The following CCDC181 variants were observed in gnomAD, a reference collection of about 807,000 sequenced individuals.
CCDC181 encodes the protein coiled-coil domain-containing protein 181.
A neutral mutation model predicts 58.7 loss-of-function variants in CCDC181; 35 were observed. That is an observed-to-expected ratio of 0.60 (90% CI 0.46 to 0.79). The LOEUF (loss-of-function observed/expected upper bound fraction) is 0.79, where lower values mean the gene tolerates loss of function less well. Among genes scored for constraint, CCDC181 ranks in the 30% least tolerant of loss-of-function variants. CCDC181 has a pLI of 0.00. For missense variants in CCDC181, 517 were observed against 583.9 expected, an observed-to-expected ratio of 0.89 and a Z score of 1.18; for synonymous variants, 183 against 197.5, an observed-to-expected ratio of 0.93 and a Z score of 0.62.
chr1:169,396,137 T>TA (rs1489140625), intron 5 of CCDC181: 2 of 152,230 alleles, frequency 1.3e-5, no homozygotes, highest in East Asian at 1.9e-4. Flanking sequence ...GACAAATACT[T>TA]AGACAGTATG....
intron 2 of CCDC181, among the ~76,000 whole-genome samples, chr1:169,444,730 T>C (rs1252932253): frequency 6.6e-6 from 1 of 152,218 alleles, no homozygotes; most frequent in East Asian, 1.9e-4. Flanking sequence ...CATATTTTTC[T>C]TCTCTGGCCT....
In CCDC181 at chr1:169,397,424, A is replaced by C. The variant is rs758078709; in HGVS notation, c.1216-33T>G. ...GAAAAACAAGCTTTACTTAGTTTAGATAAACAAGAACTACATTTTGAAGCC... is the reference window on the plus strand; with the variant it reads ...GAAAAACAAGCTTTACTTAGTTTAGCTAAACAAGAACTACATTTTGAAGCC... On this transcript the variant is annotated intron_variant, in intron 4 of 5. Transcript: ENST00000367806. 3 of 1,559,350 alleles carry C rather than the reference A, an allele frequency of 1.9e-6. No individual in the cohort carries two copies. In the African/African-American group the frequency reaches 4.1e-5, roughly 21 times the overall value.
chr1:169,449,287 T>C (rs559537735), intron 2 of CCDC181, among the ~76,000 whole-genome samples: 1 of 152,316 alleles, frequency 6.6e-6, no homozygotes, highest in East Asian at 1.9e-4. Context: ...GGTTTTGTTT[T>C]AATATGGCTA....
intron 2 of CCDC181, among the ~76,000 whole-genome samples, chr1:169,448,856 T>G (rs1164359809): frequency 6.6e-6 from 1 of 152,194 alleles, no homozygotes; most frequent in African/African-American, 2.4e-5. Context: ...CTTTTTTAAA[T>G]TCACTTATCT....
chr1:169,459,039 G>A (rs2101765281), intron 2 of CCDC181, among the ~76,000 whole-genome samples: 1 of 151,444 alleles, frequency 6.6e-6, no homozygotes, highest in East Asian at 1.9e-4. Context: ...GTACAGCAGT[G>A]AGTAAAAAAT....
intron 2 of CCDC181, among the ~76,000 whole-genome samples, chr1:169,434,451 C>T (rs1483180331): frequency 6.6e-6 from 1 of 151,894 alleles, no homozygotes; most frequent in African/African-American, 2.4e-5. Flanking sequence ...AAAATAATCA[C>T]AAGCAGGATC....
At chr1:169,415,038 T>C (rs1478428789) in intron 4 of CCDC181, among the ~76,000 whole-genome samples, 1 of 152,220 alleles carries the variant, frequency 6.6e-6, no homozygotes, top group Non-Finnish European at 1.5e-5. Context: ...CTACATAAAA[T>C]TTTTTGAAAT....
intron 4 of CCDC181, among the ~76,000 whole-genome samples, chr1:169,406,106 C>T (rs546467310): frequency 1.3e-5 from 2 of 152,320 alleles, no homozygotes; most frequent in African/African-American, 2.4e-5. Context: ...GATACCATCT[C>T]ACACCAGTTA....
chr1:169,423,073 A>G (rs1342442816), intron 2 of CCDC181, among the ~76,000 whole-genome samples: 1 of 147,594 alleles, frequency 6.8e-6, no homozygotes, highest in South Asian at 2.1e-4. Context: ...TTATATATAT[A>G]TATATTTTTT....
chr1:169,457,851 CCTT>C (rs1313501146), intron 2 of CCDC181, among the ~76,000 whole-genome samples: 1 of 152,022 alleles, frequency 6.6e-6, no homozygotes, highest in Admixed American at 6.6e-5. Flanking sequence ...TCTGTGTGCC[CCTT>C]CTTAAGTATA....
chr1:169,413,925 G>A (rs939215233), intron 4 of CCDC181, among the ~76,000 whole-genome samples: 2 of 152,000 alleles, frequency 1.3e-5, no homozygotes, highest in African/African-American at 2.4e-5. Context: ...TGTAGATGAC[G>A]GGTTGATGGG....
intron 2 of CCDC181, among the ~76,000 whole-genome samples, chr1:169,438,645 C>G (rs899122112): frequency 6.6e-6 from 1 of 152,158 alleles, no homozygotes; most frequent in Non-Finnish European, 1.5e-5. Flanking sequence ...TCCTGTTGGT[C>G]CCTGTTGTCT....
chr1:169,421,339 T>C, intron 3 of CCDC181, 24 bp downstream of exon 3: 1 of 1,522,434 alleles, frequency 6.6e-7, no homozygotes, highest in Non-Finnish European at 8.9e-7. Flanking sequence ...CTACTTTTAA[T>C]ATAATGCCCA....
In CCDC181 at chr1:169,419,002, G is replaced by C. The variant is rs751170152; in HGVS notation, c.1215+11C>G. The C allele has an allele frequency of 1.3e-6, 2 of 1,599,092 alleles. No homozygotes were observed. The highest frequency in any genetic ancestry group is 2.2e-5 in the South Asian group (2 of 90,436). On this transcript the variant is annotated intron_variant, in intron 4 of 5. Transcript: ENST00000367806. ...CTGTATGAACTTATTTTTCAGAGAA[G>C]TTTTACTTACTCTACTGTTCATGTC...
At chr1:169,411,290 G>T (rs1655948737) in intron 4 of CCDC181, among the ~76,000 whole-genome samples, 1 of 152,116 alleles carries the variant, frequency 6.6e-6, no homozygotes, top group Non-Finnish European at 1.5e-5. Flanking sequence ...AAGTCTAGAA[G>T]AAATGGATAA....
At chr1:169,405,803 T>TGG (rs1165908274) in intron 4 of CCDC181, among the ~76,000 whole-genome samples, 1 of 151,946 alleles carries the variant, frequency 6.6e-6, no homozygotes, top group Non-Finnish European at 1.5e-5. Flanking sequence ...AATTGACAAA[T>TGG]GGGATCTAAT....
Position 169,419,094 on chromosome 1 carries a change from C to T in CCDC181, c.1134G>A (p.Ala378=), listed in dbSNP as rs762804544. 18 of 1,613,360 alleles carry T rather than the reference C, an allele frequency of 1.1e-5. No homozygotes were observed. The highest frequency in any genetic ancestry group is 4.4e-5 in the South Asian group (4 of 91,068). ...CCTGCTCTCTTTTCTTTTGCAACCA[C>T]GCTTTAAATACTATGTCATTCTCTC... ...KKRENDIVFK[A]WLQKKREQVL... is the part of the protein sequence containing the mutation. Residue 378 remains alanine (A), a synonymous_variant, in exon 4 of 6, where the codon GCG becomes GCA. Transcript: ENST00000367806.
chr1:169,456,368 A>T (rs573319580), intron 2 of CCDC181, among the ~76,000 whole-genome samples: 2 of 152,260 alleles, frequency 1.3e-5, no homozygotes, highest in Non-Finnish European at 1.5e-5. Context: ...CATAAGCCCA[A>T]TTTATATACT....
intron 2 of CCDC181, among the ~76,000 whole-genome samples, chr1:169,454,098 T>G (rs940685432): frequency 2.5e-4 from 38 of 152,184 alleles, no homozygotes; most frequent in Middle Eastern, 3.4e-3. Context: ...TTTTAGAATG[T>G]ACTCATTATA....
Sources: allele counts gnomAD v4.1 joint callset (sites outside exome capture counted in the v4.1 genomes callset), GRCh38; gene constraint gnomAD v4.1.1; transcripts MANE v1.5; gene names NCBI Gene and HGNC (gene_info 2026-07-23, HGNC 2026-07-21).